ADGRF5: variants seen among roughly 807,000 people sequenced by gnomAD.
ADGRF5 encodes the protein adhesion G protein-coupled receptor F5, also known as G-protein coupled receptor 116.
A neutral mutation model predicts 132.3 loss-of-function variants in ADGRF5; 75 were observed. That is an observed-to-expected ratio of 0.57 (90% CI 0.47 to 0.69). The LOEUF (loss-of-function observed/expected upper bound fraction) is 0.69. Among genes scored for constraint, ADGRF5 ranks in the 30% least tolerant of loss-of-function variants. The pLI, the probability that ADGRF5 is intolerant of heterozygous loss-of-function variation, is 0.00. For synonymous variants in ADGRF5, 629 were observed against 597.6 expected, an observed-to-expected ratio of 1.05 and a Z score of -0.77; for missense variants, 1,516 against 1,630.6, an observed-to-expected ratio of 0.93 and a Z score of 1.21.
intron 4 of ADGRF5, 24 bp from the exon 5 acceptor site, chr6:46,884,295 G>A: frequency 6.3e-7 from 1 of 1,586,246 alleles, no homozygotes; most frequent in Non-Finnish European, 8.6e-7. Flanking sequence ...GAACAGCAAG[G>A]AGAGAGAAGG....
chr6:46,884,276 C>T lies in ADGRF5; in HGVS notation c.329-5G>A, dbSNP rs140569010. ...CATTTCCAGCAGGTCTGCAGACTATCGTTAATCAGAACAGCAAGGAGAGAG... is the reference window on the plus strand; with the variant it reads ...CATTTCCAGCAGGTCTGCAGACTATTGTTAATCAGAACAGCAAGGAGAGAG... On this transcript the variant is annotated splice_polypyrimidine_tract_variant and splice_region_variant and intron_variant, in intron 4 of 20. Coordinates refer to ENST00000283296, the MANE Select transcript of ADGRF5 (RefSeq NM_001098518.2). 4.2e-3 allele frequency: 6,825 copies of T among 1,610,320 alleles called. 61 individuals carry two copies. The highest frequency in any genetic ancestry group is 0.023 in the Middle Eastern group (137 of 6,046).
chr6:46,953,349 C>T (rs1323073613), intron 1 of ADGRF5, among the ~76,000 whole-genome samples: 4 of 152,044 alleles, frequency 2.6e-5, no homozygotes, highest in African/African-American at 7.2e-5. Context: ...AGGTCGGGCA[C>T]CATGGCTCCC....
Position 46,881,563 on chromosome 6 carries a change from T to C in ADGRF5, c.706A>G (p.Thr236Ala). The change falls in exon 8 of 21, where the codon ACT becomes GCT. Residue 236 changes from threonine (T) to alanine (A), a missense_variant. Transcript: ENST00000283296. ...ATTAACTCAAGTGATGGTGGTGTAG[T>C]CTTGACTTCATATGTCACAACCACA... ...GSVVVTYEVK[T>A]TPPSLELIHK... The C allele has an allele frequency of 6.2e-7, 1 of 1,613,782 alleles. No homozygotes were observed. Among genetic ancestry groups the C allele is most frequent in the Non-Finnish European group, 8.5e-7 (1 of 1,179,718 alleles).
intron 1 of ADGRF5, among the ~76,000 whole-genome samples, chr6:46,954,192 C>A (rs1778635932): frequency 6.6e-6 from 1 of 151,848 alleles, no homozygotes; most frequent in Non-Finnish European, 1.5e-5. Flanking sequence ...ACTGTTTAAC[C>A]ACAAATTCTA....
At chr6:46,872,069 G>A (rs1414267202) in intron 10 of ADGRF5, 56 bp from the exon 11 acceptor site, 1 of 1,231,316 alleles carries the variant, frequency 8.1e-7, no homozygotes, top group Non-Finnish European at 1.1e-6. Flanking sequence ...TTATTTAGTA[G>A]CAAAGAGGTC....
At chr6:46,912,573 G>T (rs1776045684) in intron 1 of ADGRF5, among the ~76,000 whole-genome samples, 1 of 152,058 alleles carries the variant, frequency 6.6e-6, no homozygotes, top group Non-Finnish European at 1.5e-5. Context: ...GATTGATTAG[G>T]GAGGCAATAG....
At position 46,877,306 on chromosome 6, in the gene ADGRF5, T is replaced by TCTCCTTCC. The variant is rs369575219; in HGVS notation, c.1240+895_1240+896insGGAAGGAG. Among the ~76,000 whole-genome samples the TCTCCTTCC allele has an allele frequency of 4.9e-3, 380 of 77,070 alleles. 2 individuals are homozygous for TCTCCTTCC. The highest frequency in any genetic ancestry group is 5.6e-3 in the Non-Finnish European group (223 of 39,854). 50.6% of individuals were successfully genotyped at this position (77,070 alleles called of 152,430 possible). Reference sequence around the variant, plus strand: ...TTCTTTCTTTCTCTCTCTCTCTCTCTTTCCTTCCTTCCTTCCTTCTTTCTT... The same window carrying TCTCCTTCC: ...TTCTTTCTTTCTCTCTCTCTCTCTCTCTCCTTCCTTCCTTCCTTCCTTCCTTCTTTCTT... On this transcript the variant is annotated intron_variant, in intron 10 of 20. Transcript: ENST00000283296.
chr6:46,867,517 A>G (rs1326159923), intron 12 of ADGRF5, among the ~76,000 whole-genome samples: 3 of 152,142 alleles, frequency 2.0e-5, no homozygotes, highest in Admixed American at 6.5e-5. Context: ...TTTTTTGACA[A>G]TAATTGTTAA....
At chr6:46,953,534 A>T (rs1778576339) in intron 1 of ADGRF5, among the ~76,000 whole-genome samples, 1 of 151,160 alleles carries the variant, frequency 6.6e-6, no homozygotes, top group Non-Finnish European at 1.5e-5. Context: ...AGGCACAAAG[A>T]TCACTTGAAC....
In ADGRF5 at chr6:46,920,412, T is replaced by C. The variant is rs563095657; in HGVS notation, c.-25+1301A>G. Among the ~76,000 whole-genome samples, 6 of 151,934 alleles carry C rather than the reference T, an allele frequency of 3.9e-5. No individual in the cohort carries two copies. The South Asian group carries it at 1.2e-3, about 32-fold the overall frequency. ...GGAGTTTAGGATAAATCACAAGAACTTGACAATGAGAATTTATTGTACTCC... is the reference window on the plus strand; with the variant it reads ...GGAGTTTAGGATAAATCACAAGAACCTGACAATGAGAATTTATTGTACTCC... On this transcript the variant is annotated intron_variant, in intron 1 of 20. Coordinates refer to ENST00000283296, the MANE Select transcript of ADGRF5 (RefSeq NM_001098518.2).
chr6:46,953,344 G>A lies in ADGRF5; in HGVS notation c.-25+1390C>T, dbSNP rs370263962. Among the ~76,000 whole-genome samples the A allele has an allele frequency of 2.8e-4, 42 of 152,054 alleles. 1 individual carries two copies. In the East Asian group the frequency reaches 6.2e-3, roughly 22 times the overall value. ...GCAATAGAAATATTTCACTGAGGTC[G>A]GGCACCATGGCTCCCGCCTATAATC... On this transcript the variant is annotated intron_variant, in intron 1 of 20. Transcript: ENST00000265417.
At chr6:46,888,118 C>A (rs903815410) in intron 4 of ADGRF5, 2 of 478,570 alleles carry the variant, frequency 4.2e-6, no homozygotes, top group South Asian at 2.9e-5. Flanking sequence ...ACCAAGCAAA[C>A]CTTTGGTCAC....
upstream of ADGRF5, among the ~76,000 whole-genome samples, chr6:46,922,950 G>A (rs758263299): frequency 2.6e-5 from 4 of 152,036 alleles, no homozygotes; most frequent in South Asian, 2.1e-4. Context: ...GTTTTTAGAC[G>A]GAGTCTCGCT....
chr6:46,906,752 G>C lies in ADGRF5; in HGVS notation c.11C>G (p.Pro4Arg). The C allele has an allele frequency of 1.0e-5, 16 of 1,588,672 alleles. No homozygotes were observed. The highest frequency in any genetic ancestry group is 1.4e-5 in the Non-Finnish European group (16 of 1,157,034). Residue 4 changes from proline to arginine, a missense_variant, in exon 2 of 21, where the codon CCA (proline) becomes CGA (arginine). Pro to Arg is a moderately radical substitution (Grantham distance 103). Coordinates refer to ENST00000283296, the MANE Select transcript of ADGRF5 (RefSeq NM_001098518.2). MKS[P>R]RRTTLCLMFI... ...CATGAGGCACAAAGTGGTTCTCCTTGGGGATTTCATGTCTTCAAGTTTGAG... is the reference window on the plus strand; with the variant it reads ...CATGAGGCACAAAGTGGTTCTCCTTCGGGATTTCATGTCTTCAAGTTTGAG...
intron 12 of ADGRF5, among the ~76,000 whole-genome samples, chr6:46,868,415 T>A (rs1717315517): frequency 6.6e-6 from 1 of 152,252 alleles, no homozygotes; most frequent in Non-Finnish European, 1.5e-5. Context: ...CAGTTCTATC[T>A]ACCAATTTCT....
chr6:46,895,346 G>C (rs115047486), intron 3 of ADGRF5, among the ~76,000 whole-genome samples: 1 of 151,890 alleles, frequency 6.6e-6, no homozygotes, highest in East Asian at 1.9e-4. Context: ...GAAAGCACCA[G>C]GTCTTCTATC....
At chr6:46,889,604 G>C (rs1382279435) in intron 3 of ADGRF5, among the ~76,000 whole-genome samples, 2 of 142,642 alleles carry the variant, frequency 1.4e-5, no homozygotes, top group Non-Finnish European at 3.0e-5. Context: ...AGTCTGGCCT[G>C]CCTGAGGTAG....
At chr6:46,948,425 A>G (rs1403389082) in intron 1 of ADGRF5, among the ~76,000 whole-genome samples, 1 of 151,982 alleles carries the variant, frequency 6.6e-6, no homozygotes, top group Non-Finnish European at 1.5e-5. Flanking sequence ...ACTGGCCTAG[A>G]ATAATAGTAA....
At chr6:46,951,690 A>G (rs1207404490) in intron 1 of ADGRF5, among the ~76,000 whole-genome samples, 1 of 152,208 alleles carries the variant, frequency 6.6e-6, no homozygotes, top group African/African-American at 2.4e-5. Flanking sequence ...TTCCTAAAGC[A>G]GGGACTGCTT....
Sources: allele counts gnomAD v4.1 joint callset (sites outside exome capture counted in the v4.1 genomes callset), GRCh38; gene constraint gnomAD v4.1.1; transcripts MANE v1.5; gene names NCBI Gene and HGNC (gene_info 2026-07-23, HGNC 2026-07-21).